ZNF697: variants seen among roughly 807,000 people sequenced by gnomAD.
The protein encoded by ZNF697 is zinc finger protein 697.
Under a neutral mutation model 32.4 loss-of-function variants are expected in ZNF697, and 23 were observed. The observed-to-expected ratio is 0.71, with a 90% CI of 0.51 to 1.01. ZNF697 has a LOEUF of 1.01. Among genes scored for constraint, ZNF697 ranks in the 50% least tolerant of loss-of-function variants. The pLI is 0.00. For missense variants in ZNF697, 930 were observed against 794.0 expected (o/e 1.17, Z -2.06); for synonymous variants, 418 against 337.2 (o/e 1.24, Z -2.62).
Position 119,626,014 on chromosome 1 carries a change from G to A in ZNF697, c.87C>T (p.Asp29=). The A allele has an allele frequency of 1.2e-6, 2 of 1,613,964 alleles. No homozygotes were observed. The highest frequency in any genetic ancestry group is 1.7e-6 in the Non-Finnish European group (2 of 1,179,892). The part of the protein sequence containing the change: ...GMGSDFEDSE[D]REGDPEEREM... ...CTCTTTCTTCTGGGTCCCCTTCCCT[G>A]TCCTCAGAGTCCTCAAAATCAGAAC... is the stretch of plus-strand genomic sequence containing the variant. The change falls in exon 2 of 3, where the codon GAC becomes GAT. Residue 29 remains aspartate (D), a synonymous_variant. Coordinates refer to ENST00000421812, the MANE Select transcript of ZNF697 (RefSeq NM_001080470.2).
Position 119,623,611 on chromosome 1 carries a change from C to T in ZNF697, c.732G>A (p.Gly244=). 7.0e-7 allele frequency: 1 copy of T among 1,436,646 alleles called. No homozygotes were observed. Among genetic ancestry groups the T allele is most frequent in the Non-Finnish European group, 9.0e-7 (1 of 1,107,918 alleles). 89.0% of individuals were successfully genotyped at this position (1,436,646 alleles called of 1,614,324 possible). Reference sequence around the variant, plus strand: ...CCAGCGGGGGCCCGGCCCCGAAGCCCCCCGCCACACCCACCCCCATCATGC... The same window carrying T: ...CCAGCGGGGGCCCGGCCCCGAAGCCTCCCGCCACACCCACCCCCATCATGC... ...MVGMMGVGVA[G]GFGAGPPLAR... Residue 244 remains glycine (G), a synonymous_variant, in exon 3 of 3, where the codon GGG becomes GGA. Transcript: ENST00000421812.
chr1:119,634,310 T>A (rs77537663), intron 1 of ZNF697, among the ~76,000 whole-genome samples: 3,267 of 152,286 alleles, frequency 0.021, 109 homozygotes, highest in African/African-American at 0.076. Flanking sequence ...AAACAACCGC[T>A]CTTCTAATTC....
intron 1 of ZNF697, among the ~76,000 whole-genome samples, chr1:119,632,992 T>C (rs1006462322): frequency 4.6e-5 from 7 of 152,194 alleles, no homozygotes; most frequent in African/African-American, 9.7e-5. Context: ...AGTTGTTTTG[T>C]TTAGTAAGAG....
In ZNF697 at chr1:119,622,666, A is replaced by C; in HGVS notation, c.*39T>G. 1 of 1,470,904 alleles carries C rather than the reference A, an allele frequency of 6.8e-7. No individual in the cohort carries two copies. The highest frequency in any genetic ancestry group is 9.0e-7 in the Non-Finnish European group (1 of 1,111,070). 91.1% of individuals were successfully genotyped at this position (1,470,904 alleles called of 1,614,324 possible). On this transcript the variant is annotated 3_prime_UTR_variant, in exon 3 of 3. Coordinates refer to ENST00000421812, the MANE Select transcript of ZNF697 (RefSeq NM_001080470.2). Reference sequence around the variant, plus strand: ...GTCAGTCCCAGGATATCTACCCCCCACAGGCTCCCCAGACGGCAGCCTCCC... The same window carrying C: ...GTCAGTCCCAGGATATCTACCCCCCCCAGGCTCCCCAGACGGCAGCCTCCC...
At chr1:119,632,648 CCT>C (rs2101087889) in intron 1 of ZNF697, among the ~76,000 whole-genome samples, 1 of 152,316 alleles carries the variant, frequency 6.6e-6, no homozygotes, top group East Asian at 1.9e-4. Context: ...GGCTAGGGCC[CCT>C]CAGTTTGGCT....
chr1:119,631,215 G>T (rs1453041079), intron 1 of ZNF697, among the ~76,000 whole-genome samples: 2 of 152,364 alleles, frequency 1.3e-5, no homozygotes, highest in Non-Finnish European at 2.9e-5. Context: ...CCTTCTGCGC[G>T]GACCCCAAGC....
rs755864029 is a variant in ZNF697, at chr1:119,622,764, C to G, written c.1579G>C (p.Gly527Arg). 15 of 1,583,606 alleles carry G rather than the reference C, an allele frequency of 9.5e-6. No individual in the cohort carries two copies. Among genetic ancestry groups the G allele is most frequent in the Non-Finnish European group, 1.3e-5 (15 of 1,164,836 alleles). The change falls in exon 3 of 3, where the codon GGC (glycine) becomes CGC (arginine). Residue 527 changes from glycine (G) to arginine (R), a missense_variant. Gly to Arg is a moderately radical substitution (Grantham distance 125, BLOSUM62 -2). Transcript: ENST00000421812. ...GNKPHKCAGC[G>R]KGFRYKTHLA... ...TGCGTTTTATAGCGGAAGCCTTTGC[C>G]GCAGCCCGCACACTTGTGCGGCTTG...
At chr1:119,639,458 G>GC (rs1312227397) in intron 1 of ZNF697, among the ~76,000 whole-genome samples, 2 of 152,014 alleles carry the variant, frequency 1.3e-5, no homozygotes, top group African/African-American at 2.4e-5. Context: ...CCTAACCCCA[G>GC]CCCAAAAGGG....
Position 119,623,256 on chromosome 1 carries a change from C to A in ZNF697, c.1087G>T (p.Val363Leu). The change falls in exon 3 of 3, where the codon GTG (valine) becomes TTG (leucine). Residue 363 changes from valine (V) to leucine (L), a missense_variant. Transcript: ENST00000421812. Reference protein sequence around the residue: ...FACGECGKGFVRRSHLANHQR... With the variant: ...FACGECGKGFLRRSHLANHQR... ...TGGTTGGCCAGGTGCGAACGGCGCA[C>A]GAAGCCCTTGCCGCACTCCCCGCAG... 1 of 1,546,180 alleles carries A rather than the reference C, an allele frequency of 6.5e-7. No individual in the cohort carries two copies. Among genetic ancestry groups the A allele is most frequent in the Non-Finnish European group, 8.7e-7 (1 of 1,150,094 alleles).
At chr1:119,631,088 G>T (rs1292753031) in intron 1 of ZNF697, among the ~76,000 whole-genome samples, 2 of 152,212 alleles carry the variant, frequency 1.3e-5, no homozygotes, top group Non-Finnish European at 2.9e-5. Flanking sequence ...GCAGAGGAGT[G>T]TACACAACTC....
chr1:119,628,180 A>G (rs1648654210), intron 1 of ZNF697, among the ~76,000 whole-genome samples: 1 of 152,124 alleles, frequency 6.6e-6, no homozygotes, highest in South Asian at 2.1e-4. Context: ...AATCTCATAA[A>G]ACTAAAATAG....
Position 119,622,999 on chromosome 1 carries a change from A to C in ZNF697, c.1344T>G (p.Arg448=). ...VCRECGKGFG[R]NSHLVNHLRV... is the part of the protein sequence containing the mutation. The stretch of plus-strand genomic sequence containing the variant: ...GCAGGTGGTTCACCAGGTGCGAGTT[A>C]CGCCCGAAGCCCTTCCCGCACTCGC... The change falls in exon 3 of 3, where the codon CGT becomes CGG. Residue 448 remains arginine, a synonymous_variant. Coordinates refer to ENST00000421812, the MANE Select transcript of ZNF697 (RefSeq NM_001080470.2). 1 of 1,589,224 alleles carries C rather than the reference A, an allele frequency of 6.3e-7. No homozygotes were observed. Among genetic ancestry groups the C allele is most frequent in the Non-Finnish European group, 8.6e-7 (1 of 1,166,452 alleles).
intron 1 of ZNF697, among the ~76,000 whole-genome samples, chr1:119,640,706 T>C (rs1213147467): frequency 2.0e-5 from 3 of 152,100 alleles, no homozygotes; most frequent in Non-Finnish European, 2.9e-5. Context: ...CCAAGGAAAA[T>C]TGGGACTAGC....
At position 119,623,128 on chromosome 1, in the gene ZNF697, G is replaced by A; in HGVS notation, c.1215C>T (p.Gly405=). The change falls in exon 3 of 3, where the codon GGC becomes GGT. Residue 405 remains glycine (G), a synonymous_variant. Transcript: ENST00000421812. The part of the protein sequence containing the change: ...DLVKHQRVHT[G]EKPYMCSECG... The stretch of plus-strand genomic sequence containing the variant: ...ACTCGGAGCACATGTAGGGCTTCTC[G>A]CCCGTGTGCACGCGCTGGTGCTTCA... The A allele has an allele frequency of 6.3e-7, 1 of 1,591,500 alleles. No homozygotes were observed. The highest frequency in any genetic ancestry group is 8.6e-7 in the Non-Finnish European group (1 of 1,169,380).
rs1648318636 is a variant in ZNF697 at position 119,621,737 on chromosome 1, C to CT, written c.*967dup. 1 of 152,220 alleles carries CT rather than the reference C, an allele frequency of 6.6e-6. No individual in the cohort carries two copies. The highest frequency in any genetic ancestry group is 2.1e-4 in the South Asian group (1 of 4,834). The allele number at this position is 152,220 out of a possible 1,614,324, so 9.4% of individuals were successfully genotyped here. A position where few individuals can be genotyped will look rare whatever the true frequency, so the allele number is the denominator to read the frequency against. On this transcript the variant is annotated 3_prime_UTR_variant, in exon 3 of 3. Coordinates refer to ENST00000421812, the MANE Select transcript of ZNF697 (RefSeq NM_001080470.2). Reference sequence around the variant, plus strand: ...TTCTCACATAAAGGCCAGCAAAACTCTGAGCTAGTTGACTTTTTAGCAGGT... The same window carrying CT: ...TTCTCACATAAAGGCCAGCAAAACTCTTGAGCTAGTTGACTTTTTAGCAGGT...
At position 119,624,095 on chromosome 1, in the gene ZNF697, T is replaced by C. The variant is rs765245208; in HGVS notation, c.248A>G (p.Glu83Gly). The C allele has an allele frequency of 1.3e-5, 21 of 1,582,580 alleles. No homozygotes were observed. Among genetic ancestry groups the C allele is most frequent in the South Asian group, 2.3e-5 (2 of 86,816 alleles). The part of the protein sequence containing the change: ...ICTEGQLSEE[E>G]GVSVRGEEDD... ...CTCTTCCCCACGGACAGAAACGCCT[T>C]CTTCCTCACTCAGCTGCCCCTCTGC... is the stretch of plus-strand genomic sequence containing the variant. The change falls in exon 3 of 3, where the codon GAA becomes GGA. Residue 83 changes from glutamate to glycine, a missense_variant. Physicochemically the swap from Glu to Gly is moderately conservative, Grantham distance 98. Transcript: ENST00000421812.
In ZNF697 at chr1:119,623,583, G is replaced by C. The variant is rs994036558; in HGVS notation, c.760C>G (p.Arg254Gly). 1.8e-5 allele frequency: 26 copies of C among 1,437,246 alleles called. No homozygotes were observed. The highest frequency in any genetic ancestry group is 2.5e-4 in the Middle Eastern group (1 of 3,948). The allele number at this position is 1,437,246 out of a possible 1,614,324, so 89.0% of individuals were successfully genotyped here. A position where few individuals can be genotyped will look rare whatever the true frequency, so the allele number is the denominator to read the frequency against. Residue 254 changes from arginine (R) to glycine (G), a missense_variant, in exon 3 of 3, where the codon CGG becomes GGG. By Grantham distance (125) the Arg-to-Gly change is moderately radical. Transcript: ENST00000421812. Reference protein sequence around the residue: ...GGFGAGPPLARPPREKPFRCG... With the variant: ...GGFGAGPPLAGPPREKPFRCG... The stretch of plus-strand genomic sequence containing the variant: ...CGGAAGGGCTTTTCGCGCGGGGGCC[G>C]GGCCAGCGGGGGCCCGGCCCCGAAG...
Position 119,623,446 on chromosome 1 carries a change from G to T in ZNF697, c.897C>A (p.Ser299Arg), listed in dbSNP as rs1455998983. 8.4e-6 allele frequency: 13 copies of T among 1,554,178 alleles called. No individual in the cohort carries two copies. Among genetic ancestry groups the T allele is most frequent in the Admixed American group, 1.9e-5 (1 of 52,866 alleles). ...NLCADCGKSF[S>R]WRADLLKHRR... ...GGTGCTTGAGCAGGTCGGCGCGCCAGCTGAAGCTCTTGCCGCAGTCGGCGC... is the reference window on the plus strand; with the variant it reads ...GGTGCTTGAGCAGGTCGGCGCGCCATCTGAAGCTCTTGCCGCAGTCGGCGC... Residue 299 changes from serine to arginine, a missense_variant, in exon 3 of 3, where the codon AGC (serine) becomes AGA (arginine). Ser to Arg is a moderately radical substitution (Grantham distance 110, BLOSUM62 -1). Transcript: ENST00000421812.
chr1:119,622,968 G>C lies in ZNF697; in HGVS notation c.1375C>G (p.His459Asp). Residue 459 changes from histidine (H) to aspartate (D), a missense_variant, in exon 3 of 3, where the codon CAC becomes GAC. By Grantham distance (81) the His-to-Asp change is moderately conservative (BLOSUM62 -1). Coordinates refer to ENST00000421812, the MANE Select transcript of ZNF697 (RefSeq NM_001080470.2). Reference sequence around the variant, plus strand: ...CAGCGGAAGGGCTTCTCGCCGGTGTGCACGCGCAGGTGGTTCACCAGGTGC... The same window carrying C: ...CAGCGGAAGGGCTTCTCGCCGGTGTCCACGCGCAGGTGGTTCACCAGGTGC... Reference protein sequence around the residue: ...NSHLVNHLRVHTGEKPFRCGQ... With the variant: ...NSHLVNHLRVDTGEKPFRCGQ... The C allele has an allele frequency of 1.2e-6, 2 of 1,601,406 alleles. No individual in the cohort carries two copies. Among genetic ancestry groups the C allele is most frequent in the Non-Finnish European group, 1.7e-6 (2 of 1,172,714 alleles).
Sources: allele counts gnomAD v4.1 joint callset (sites outside exome capture counted in the v4.1 genomes callset), GRCh38; gene constraint gnomAD v4.1.1; transcripts MANE v1.5; gene names NCBI Gene and HGNC (gene_info 2026-07-23, HGNC 2026-07-21).